Variants in FRMD4A observed in about 807,000 individuals in gnomAD.
FRMD4A encodes FERM domain containing 4A.
A neutral mutation model predicts 129.1 loss-of-function variants in FRMD4A; 29 were observed. The observed-to-expected ratio is 0.22, with a 90% CI of 0.17 to 0.31. The LOEUF is 0.31. Ranked by LOEUF, FRMD4A falls within the 10% of genes least tolerant of loss-of-function variation. The probability of loss-of-function intolerance (pLI) is 1.00; values close to 1 mark genes in which losing one functional copy is unlikely to be tolerated. For synonymous variants in FRMD4A, 634 were observed against 571.6 expected (o/e 1.11, Z -1.56); for missense variants, 1,272 against 1,375.8 (o/e 0.92, Z 1.19).
chr10:14,257,079 G>A (rs186970461), intron 2 of FRMD4A, among the ~76,000 whole-genome samples: 4 of 152,018 alleles, frequency 2.6e-5, no homozygotes, highest in East Asian at 3.9e-4. Flanking sequence ...CTGTAATCCC[G>A]GCACTTTGGG....
At chr10:13,809,752 C>G (rs942792280) in intron 4 of FRMD4A, among the ~76,000 whole-genome samples, 4 of 152,222 alleles carry the variant, frequency 2.6e-5, no homozygotes, top group African/African-American at 9.6e-5. Flanking sequence ...CTGAAATGTC[C>G]CTGATTTACA....
At chr10:13,753,623 C>T (rs1300485916) in intron 8 of FRMD4A, among the ~76,000 whole-genome samples, 2 of 148,404 alleles carry the variant, frequency 1.3e-5, no homozygotes, top group East Asian at 2.0e-4. Context: ...TGGCTCACTG[C>T]AGCCTCCACC....
rs76169088 is a variant in FRMD4A, at chr10:14,267,727, T to G, written c.45+62331A>C. On this transcript the variant is annotated intron_variant, in intron 2 of 24. Coordinates refer to ENST00000357447, the MANE Select transcript of FRMD4A (RefSeq NM_018027.5). ...ATAAATATAAAGAGATGAGCACATT[T>G]CTCTGAATTTTAAATTTGGGTCCTT... 9.5e-3 allele frequency among the ~76,000 whole-genome samples: 1,447 copies of G among 152,300 alleles called. 26 individuals are homozygous for G. The highest frequency in any genetic ancestry group is 0.033 in the African/African-American group (1,386 of 41,548).
chr10:13,986,543 T>G (rs2095582075), intron 2 of FRMD4A, among the ~76,000 whole-genome samples: 2 of 144,340 alleles, frequency 1.4e-5, no homozygotes, highest in Non-Finnish European at 1.5e-5. Context: ...ATATACCTAA[T>G]GCTAAATGAC....
chr10:14,079,839 TAG>T (rs1159421532), intron 2 of FRMD4A, among the ~76,000 whole-genome samples: 1 of 152,120 alleles, frequency 6.6e-6, no homozygotes, highest in East Asian at 1.9e-4. Flanking sequence ...ATGGGGCAGA[TAG>T]ACATATTGAA....
intron 3 of FRMD4A, among the ~76,000 whole-genome samples, chr10:13,848,285 G>C (rs2094083606): frequency 6.6e-6 from 1 of 152,176 alleles, no homozygotes; most frequent in Non-Finnish European, 1.5e-5. Flanking sequence ...CAATGTTCTG[G>C]AGGGCTAAGT....
Position 13,660,443 on chromosome 10 carries a change from G to A in FRMD4A, c.1771C>T (p.Leu591Phe). Residue 591 changes from leucine to phenylalanine, a missense_variant, in exon 20 of 25, where the codon CTC becomes TTC. By Grantham distance (22) the Leu-to-Phe change is conservative (BLOSUM62 0). This residue lies in a region of FRMD4A where 972 missense variants were observed against 892.3 expected (regional missense o/e 1.09). Coordinates refer to ENST00000357447, the MANE Select transcript of FRMD4A (RefSeq NM_018027.5). ...RPPPPQSLEG[L>F]RQMHYHRNDY... The stretch of plus-strand genomic sequence containing the variant: ...TTGCGGTGATAGTGCATCTGTCGGA[G>A]TCCCTCCAGGGACTGGGGAGGAGGA... The A allele has an allele frequency of 6.2e-7, 1 of 1,613,970 alleles. No homozygotes were observed. Among genetic ancestry groups the A allele is most frequent in the Non-Finnish European group, 8.5e-7 (1 of 1,179,794 alleles).
rs548808486 is a variant in FRMD4A at position 14,227,355 on chromosome 10, G to T, written c.45+102703C>A. Among the ~76,000 whole-genome samples, 45 of 139,162 alleles carry T rather than the reference G, an allele frequency of 3.2e-4. No homozygotes were observed. The East Asian group carries it at 1.0e-2, about 31-fold the overall frequency. 91.3% of individuals were successfully genotyped at this position (139,162 alleles called of 152,430 possible). On this transcript the variant is annotated intron_variant, in intron 2 of 24. Coordinates refer to ENST00000357447, the MANE Select transcript of FRMD4A (RefSeq NM_018027.5). ...CAATCCCCACCTCCTGGGTTCAAGCGATTCTCCTGCCTCAGCATCCTGAGT... is the reference window on the plus strand; with the variant it reads ...CAATCCCCACCTCCTGGGTTCAAGCTATTCTCCTGCCTCAGCATCCTGAGT...
chr10:13,917,673 C>T (rs561687199), intron 2 of FRMD4A, among the ~76,000 whole-genome samples: 1 of 152,268 alleles, frequency 6.6e-6, no homozygotes, highest in African/African-American at 2.4e-5. Context: ...CTGTAAATAT[C>T]AAACTTCAGA....
chr10:13,801,974 G>C (rs2093264440), intron 4 of FRMD4A, among the ~76,000 whole-genome samples: 1 of 127,988 alleles, frequency 7.8e-6, no homozygotes, highest in African/African-American at 3.0e-5. Flanking sequence ...ATTTGAGAAT[G>C]CACTTCATTG....
In FRMD4A at chr10:14,005,030, C is replaced by CT. The variant is rs761108997; in HGVS notation, c.46-146119dup. Reference sequence around the variant, plus strand: ...TATTTCTTTCTTTCTTTCTTTCTTTCTTTTTTTTTTGAGACCTGAGTCTTT... The same window carrying CT: ...TATTTCTTTCTTTCTTTCTTTCTTTCTTTTTTTTTTTGAGACCTGAGTCTTT... On this transcript the variant is annotated intron_variant, in intron 2 of 24. Transcript: ENST00000357447. Among the ~76,000 whole-genome samples, 336 of 148,136 alleles carry CT rather than the reference C, an allele frequency of 2.3e-3. 1 individual carries two copies. The highest frequency in any genetic ancestry group is 5.9e-3 in the African/African-American group (240 of 40,408).
chr10:13,917,840 C>T (rs1030481823), intron 2 of FRMD4A, among the ~76,000 whole-genome samples: 1 of 152,168 alleles, frequency 6.6e-6, no homozygotes, highest in Non-Finnish European at 1.5e-5. Context: ...AGGTGCATGG[C>T]CTTGGGTGAG....
At chr10:14,033,659 C>T (rs1250061374) in intron 2 of FRMD4A, among the ~76,000 whole-genome samples, 4 of 152,016 alleles carry the variant, frequency 2.6e-5, no homozygotes, top group Non-Finnish European at 1.5e-5. Context: ...GTGGCATGTG[C>T]CTGTAATCCC....
chr10:14,231,483 C>T (rs904755351), intron 2 of FRMD4A, among the ~76,000 whole-genome samples: 1 of 152,048 alleles, frequency 6.6e-6, no homozygotes, highest in South Asian at 2.1e-4. Flanking sequence ...GCTGGGACTA[C>T]AGGCACTCAC....
intron 2 of FRMD4A, among the ~76,000 whole-genome samples, chr10:14,322,533 C>G (rs541812552): frequency 6.6e-6 from 1 of 152,272 alleles, no homozygotes; most frequent in South Asian, 2.1e-4. Flanking sequence ...ACAGGGAAAA[C>G]CATGGGTGTG....
chr10:14,298,234 G>A (rs1031376695), intron 2 of FRMD4A, among the ~76,000 whole-genome samples: 1 of 152,174 alleles, frequency 6.6e-6, no homozygotes, highest in Non-Finnish European at 1.5e-5. Flanking sequence ...CCAAGATCCA[G>A]TGTCTACATG....
At chr10:14,093,892 G>A (rs1836794610) in intron 2 of FRMD4A, among the ~76,000 whole-genome samples, 1 of 152,168 alleles carries the variant, frequency 6.6e-6, no homozygotes, top group Non-Finnish European at 1.5e-5. Context: ...TTCCCTCACT[G>A]TTCACTGCCA....
At chr10:14,251,772 G>T (rs1564418303) in intron 2 of FRMD4A, among the ~76,000 whole-genome samples, 1 of 152,162 alleles carries the variant, frequency 6.6e-6, no homozygotes, top group South Asian at 2.1e-4. Context: ...TGATCAGGAT[G>T]AACCCAGAGG....
intron 2 of FRMD4A, among the ~76,000 whole-genome samples, chr10:14,282,499 G>A (rs1188456811): frequency 6.6e-6 from 1 of 152,142 alleles, no homozygotes; most frequent in Non-Finnish European, 1.5e-5. Flanking sequence ...CAGCTCAGCA[G>A]CTTAAATAAA....
Sources: gnomAD v4.1 joint callset for allele counts (sites outside exome capture counted in the v4.1 genomes callset) on GRCh38, gnomAD v4.1.1 for gene constraint, gnomAD v4.1.1 regional missense constraint, MANE v1.5 for transcripts, NCBI Gene and HGNC (gene_info 2026-07-23, HGNC 2026-07-21) for gene names.